The following TRPM3 variants were observed in gnomAD, a reference collection of about 807,000 sequenced individuals.
TRPM3 encodes long transient receptor potential channel 3.
In TRPM3, 77 loss-of-function variants were observed where a neutral mutation model predicts 181.2. That is an observed-to-expected ratio of 0.42 (90% CI 0.35 to 0.51). TRPM3 has a LOEUF of 0.51. Among genes scored for constraint, TRPM3 ranks in the 20% least tolerant of loss-of-function variants. The pLI, the probability that TRPM3 is intolerant of heterozygous loss-of-function variation, is 0.01. For synonymous variants in TRPM3, 745 were observed against 796.4 expected (o/e 0.94, Z 1.09); for missense variants, 1,759 against 2,196.7 (o/e 0.80, Z 3.98).
intron 1 of TRPM3, among the ~76,000 whole-genome samples, chr9:70,884,322 C>T (rs2096051355): frequency 1.3e-5 from 2 of 152,194 alleles, no homozygotes; most frequent in South Asian, 4.1e-4. Context: ...TACCTCCAAC[C>T]CTAACTCCTG....
At chr9:70,948,283 AATTATT>A (rs1225085710) in intron 1 of TRPM3, among the ~76,000 whole-genome samples, 1 of 149,398 alleles carries the variant, frequency 6.7e-6, no homozygotes, top group African/African-American at 2.6e-5. Context: ...CTCAAATATA[AATTATT>A]ATTATTTTTT....
intron 3 of TRPM3, among the ~76,000 whole-genome samples, chr9:70,858,956 CA>C (rs1057175679): frequency 1.3e-5 from 2 of 152,062 alleles, no homozygotes; most frequent in Admixed American, 6.6e-5. Context: ...ATGTACCTTG[CA>C]GCATTTCAGG....
At chr9:70,932,636 T>C (rs934436420) in intron 1 of TRPM3, among the ~76,000 whole-genome samples, 41 of 152,144 alleles carry the variant, frequency 2.7e-4, no homozygotes, top group African/African-American at 9.9e-4. Flanking sequence ...TGGTAAGAGA[T>C]TGACAGGCTG....
chr9:71,327,484 T>C (rs900191480), intron 1 of TRPM3, among the ~76,000 whole-genome samples: 3 of 152,116 alleles, frequency 2.0e-5, no homozygotes, highest in Admixed American at 6.5e-5. Flanking sequence ...ATGAGTCCCA[T>C]TGAGAGCCTT....
intron 1 of TRPM3, among the ~76,000 whole-genome samples, chr9:71,298,358 G>T (rs934232296): frequency 1.3e-5 from 2 of 152,016 alleles, no homozygotes; most frequent in Non-Finnish European, 2.9e-5. Flanking sequence ...CATGCACTGA[G>T]ATATTTGTCT....
In TRPM3 at chr9:70,536,742, A is replaced by C; in HGVS notation, c.4371T>G (p.Tyr1457Ter). Residue 1457 changes from tyrosine to a stop codon, truncating the protein, a stop_gained, in exon 26 of 26, where the codon TAT becomes TAG. Transcript: ENST00000677713. LOFTEE classifies it high-confidence loss of function. The part of the protein sequence containing the change: ...VPSTAPSSSA[Y>*]ATLAPTDRPP... ...GTCTGTCTGTGGGTGCAAGTGTTGC[A>C]TAGGCACTACTTGAAGGGGCTGTGG... 1 of 1,614,206 alleles carries C rather than the reference A, an allele frequency of 6.2e-7. No homozygotes were observed. Among genetic ancestry groups the C allele is most frequent in the Non-Finnish European group, 8.5e-7 (1 of 1,180,038 alleles).
At chr9:71,206,702 G>T (rs570564071) in intron 1 of TRPM3, among the ~76,000 whole-genome samples, 2 of 152,112 alleles carry the variant, frequency 1.3e-5, no homozygotes, top group South Asian at 4.2e-4. Flanking sequence ...TTTCTTCTAG[G>T]ATTTTTATGG....
intron 1 of TRPM3, among the ~76,000 whole-genome samples, chr9:70,915,827 GATA>G (rs2096588682): frequency 6.6e-6 from 1 of 152,082 alleles, no homozygotes; most frequent in Non-Finnish European, 1.5e-5. Context: ...TATTGAAAGG[GATA>G]ATAACATAGA....
intron 1 of TRPM3, among the ~76,000 whole-genome samples, chr9:71,431,000 A>T (rs2093946043): frequency 6.6e-6 from 1 of 152,188 alleles, no homozygotes. Context: ...GTCTTGATTG[A>T]GGGTCATTGT....
At chr9:70,749,777 T>TA (rs1317778022) in intron 8 of TRPM3, among the ~76,000 whole-genome samples, 17 of 152,362 alleles carry the variant, frequency 1.1e-4, no homozygotes, top group African/African-American at 3.1e-4. Context: ...ATTTAATTTT[T>TA]ATCTTCTAAC....
intron 1 of TRPM3, among the ~76,000 whole-genome samples, chr9:71,422,220 G>A (rs1009026941): frequency 6.6e-6 from 1 of 151,910 alleles, no homozygotes; most frequent in Admixed American, 6.6e-5. Context: ...AATAACATGA[G>A]TACCAACTTA....
At chr9:71,210,929 T>G (rs1445311862) in intron 1 of TRPM3, among the ~76,000 whole-genome samples, 1 of 152,198 alleles carries the variant, frequency 6.6e-6, no homozygotes, top group East Asian at 1.9e-4. Context: ...CACTCTGGTG[T>G]CTCTTCATTA....
At chr9:70,852,162 A>G (rs7034629) in intron 3 of TRPM3, among the ~76,000 whole-genome samples, 25,954 of 142,508 alleles carry the variant, frequency 0.18, 2,669 homozygotes, top group South Asian at 0.24. Flanking sequence ...AAAAGAGAGA[A>G]AAAAAATCCC....
chr9:71,286,329 A>G (rs895846421), intron 1 of TRPM3, among the ~76,000 whole-genome samples: 2 of 152,194 alleles, frequency 1.3e-5, no homozygotes, highest in Admixed American at 6.5e-5. Context: ...TGGATTTGCA[A>G]TCTGTCTGTT....
At chr9:70,928,785 T>G (rs1002483385) in intron 1 of TRPM3, among the ~76,000 whole-genome samples, 1 of 152,188 alleles carries the variant, frequency 6.6e-6, no homozygotes, top group Non-Finnish European at 1.5e-5. Context: ...GCGGGCATCA[T>G]GCAAACTCAT....
intron 1 of TRPM3, among the ~76,000 whole-genome samples, chr9:71,031,972 T>TTATATATATA (rs1357270207): frequency 0.025 from 16 of 636 alleles, 1 homozygote; most frequent in African/African-American, 0.035. Context: ...TATATATATA[T>TTATATATATA]TATATATATA....
intron 1 of TRPM3, among the ~76,000 whole-genome samples, chr9:71,375,590 C>T (rs1041062411): frequency 2.0e-5 from 3 of 152,142 alleles, no homozygotes; most frequent in Admixed American, 6.5e-5. Flanking sequence ...AACAGACAAC[C>T]TACAGAATGG....
chr9:71,345,159 A>G (rs1401218023), intron 1 of TRPM3, among the ~76,000 whole-genome samples: 1 of 152,212 alleles, frequency 6.6e-6, no homozygotes, highest in Non-Finnish European at 1.5e-5. Flanking sequence ...ACATTAGTTC[A>G]ACCATTGTGG....
chr9:70,542,824 G>A (rs1173149585), intron 25 of TRPM3, among the ~76,000 whole-genome samples: 1 of 152,134 alleles, frequency 6.6e-6, no homozygotes, highest in Non-Finnish European at 1.5e-5. Context: ...CTATCCTGTT[G>A]GAAAAGGGTA....
Sources: gnomAD v4.1 joint callset for allele counts (sites outside exome capture counted in the v4.1 genomes callset) on GRCh38, gnomAD v4.1.1 for gene constraint, MANE v1.5 for transcripts, NCBI Gene and HGNC (gene_info 2026-07-23, HGNC 2026-07-21) for gene names.